The following NHSL2 variants were observed in gnomAD, a reference collection of about 807,000 sequenced individuals.
NHSL2 encodes the protein NHS like 2.
Under a neutral mutation model 53.4 loss-of-function variants are expected in NHSL2, and 27 were observed. The observed-to-expected ratio is 0.51, with a 90% CI of 0.37 to 0.70. The LOEUF (loss-of-function observed/expected upper bound fraction) is 0.70, where lower values mean the gene tolerates loss of function less well. Ranked by LOEUF, NHSL2 falls within the 30% of genes least tolerant of loss-of-function variation. The pLI, the probability that NHSL2 is intolerant of heterozygous loss-of-function variation, is 0.00. For synonymous variants in NHSL2, 408 were observed against 404.1 expected (o/e 1.01, Z -0.12); for missense variants, 892 against 980.1 (o/e 0.91, Z 1.20).
intron 1 of NHSL2, among the ~76,000 whole-genome samples, chrX:71,920,472 TAAA>T (rs964522656): frequency 1.9e-4 from 19 of 102,672 alleles, no homozygotes; most frequent in Non-Finnish European, 3.0e-4. Flanking sequence ...CCCTAAATGT[TAAA>T]AAAAAAAAAA....
At chrX:71,984,586 A>G (rs2041994779) in intron 1 of NHSL2, among the ~76,000 whole-genome samples, 1 of 112,012 alleles carries the variant, frequency 8.9e-6, no homozygotes, top group African/African-American at 3.2e-5. Flanking sequence ...GAGTCAGTAT[A>G]AATTGCAGAA....
intron 1 of NHSL2, among the ~76,000 whole-genome samples, chrX:71,986,134 AC>A (rs1293619346): frequency 8.9e-6 from 1 of 111,765 alleles, no homozygotes; most frequent in African/African-American, 3.2e-5. Flanking sequence ...AAAGCCAAAC[AC>A]CATCTTATAT....
chrX:72,132,645 T>G (rs2042317834), intron 2 of NHSL2, among the ~76,000 whole-genome samples: 1 of 111,730 alleles, frequency 9.0e-6, no homozygotes, highest in Non-Finnish European at 1.9e-5. Context: ...TCTCCCACTC[T>G]GGGCTTCACT....
At chrX:71,937,350 G>A (rs960292025) in intron 1 of NHSL2, among the ~76,000 whole-genome samples, 1 of 111,391 alleles carries the variant, frequency 9.0e-6, no homozygotes, top group African/African-American at 3.3e-5. Flanking sequence ...GAGTCAAAGC[G>A]TCACCAGGAA....
intron 1 of NHSL2, among the ~76,000 whole-genome samples, chrX:72,055,255 A>G (rs771385453): frequency 8.9e-6 from 1 of 112,195 alleles, no homozygotes; most frequent in South Asian, 3.7e-4. Flanking sequence ...CAACAGCCCG[A>G]GTTCCCCAGC....
rs774831454 is a variant in NHSL2 at position 71,946,509 on chromosome X, T to C, written c.280+35142T>C. Among the ~76,000 whole-genome samples the C allele has an allele frequency of 3.6e-5, 4 of 111,559 alleles. No individual in the cohort carries two copies. In the South Asian group the frequency reaches 1.5e-3, roughly 43 times the overall value. Reference sequence around the variant, plus strand: ...CCGAGGACCAAGCCTTGGTAAATGCTAAGAGGCAGGCAGAGAAAGATGAGC... The same window carrying C: ...CCGAGGACCAAGCCTTGGTAAATGCCAAGAGGCAGGCAGAGAAAGATGAGC... On this transcript the variant is annotated intron_variant, in intron 1 of 7. Coordinates refer to ENST00000633930, the MANE Select transcript of NHSL2 (RefSeq NM_001013627.3).
chrX:71,970,733 T>C (rs1472176821), intron 1 of NHSL2, among the ~76,000 whole-genome samples: 7 of 110,913 alleles, frequency 6.3e-5, no homozygotes, highest in African/African-American at 2.3e-4. Context: ...TCCTTCTTCT[T>C]GCTTTGAATT....
At chrX:71,989,328 G>A (rs1263234756) in intron 1 of NHSL2, among the ~76,000 whole-genome samples, 2 of 71,375 alleles carry the variant, frequency 2.8e-5, no homozygotes, top group Non-Finnish European at 4.8e-5. Context: ...CAGCCTGGGC[G>A]ACAGAGCAAG....
intron 1 of NHSL2, chrX:72,131,592 A>T: frequency 9.0e-7 from 1 of 1,107,755 alleles, no homozygotes; most frequent in Non-Finnish European, 1.2e-6. Context: ...GGGGAACTGG[A>T]ACTACGGGCG....
At chrX:72,009,649 T>C (rs956976884) in intron 1 of NHSL2, among the ~76,000 whole-genome samples, 1 of 112,540 alleles carries the variant, frequency 8.9e-6, no homozygotes, top group Admixed American at 9.4e-5. Context: ...ACACCTCATA[T>C]CCTCCATCCA....
At chrX:71,948,034 A>G (rs750666671) in intron 1 of NHSL2, among the ~76,000 whole-genome samples, 3 of 111,165 alleles carry the variant, frequency 2.7e-5, no homozygotes, top group African/African-American at 6.6e-5. Flanking sequence ...TTCCCCAAAA[A>G]CCTATGGAAA....
rs974693820 is a variant in NHSL2 at position 71,938,412 on chromosome X, G to A, written c.280+27045G>A. 5.3e-5 allele frequency among the ~76,000 whole-genome samples: 6 copies of A among 112,204 alleles called. No homozygotes were observed. The Admixed American group carries it at 5.7e-4, about 11-fold the overall frequency. ...AGGACACAGGGCATTTGACCATAGA[G>A]TCTGACTAGCAGCTCACTTGAGATC... On this transcript the variant is annotated intron_variant, in intron 1 of 7. Transcript: ENST00000633930.
chrX:71,980,553 TGTGTGGGGTGTGTGGG>T (rs2041971188), intron 1 of NHSL2, among the ~76,000 whole-genome samples: 1 of 2,448 alleles, frequency 4.1e-4, no homozygotes, highest in African/African-American at 7.7e-4. Flanking sequence ...TGTGTGTGTG[TGTGTGGGGTGTGTGGG>T]GTGTGTGTGT....
chrX:72,070,887 C>T (rs1043860737), intron 1 of NHSL2, among the ~76,000 whole-genome samples: 1 of 111,809 alleles, frequency 8.9e-6, no homozygotes, highest in Non-Finnish European at 1.9e-5. Context: ...GTTTGACTCA[C>T]GTTTACCATA....
intron 1 of NHSL2, among the ~76,000 whole-genome samples, chrX:71,918,193 G>T (rs1433504207): frequency 9.0e-6 from 1 of 111,072 alleles, no homozygotes; most frequent in Non-Finnish European, 1.9e-5. Context: ...GTGTGTCCCC[G>T]GCTGTGTGTA....
intron 1 of NHSL2, among the ~76,000 whole-genome samples, chrX:72,104,533 G>A: frequency 9.0e-6 from 1 of 111,603 alleles, no homozygotes; most frequent in Non-Finnish European, 1.9e-5. Flanking sequence ...AAGGAGCATG[G>A]GCATGTGTTC....
intron 1 of NHSL2, chrX:72,131,183 G>T: frequency 1.7e-6 from 2 of 1,188,599 alleles, no homozygotes; most frequent in Non-Finnish European, 2.3e-6. Flanking sequence ...AGCAGAGGGG[G>T]GTCAGCGGGC....
Position 72,152,128 on chromosome X carries a change from A to T in NHSL2, c.*8554A>T, listed in dbSNP as rs1452562148. The T allele has an allele frequency of 8.9e-6, 1 of 112,645 alleles. No individual in the cohort carries two copies. Among genetic ancestry groups the T allele is most frequent in the African/African-American group, 3.2e-5 (1 of 30,928 alleles). The allele number at this position is 112,645 out of a possible 1,213,427, so 9.3% of individuals were successfully genotyped here. A position where few individuals can be genotyped will look rare whatever the true frequency, so the allele number is the denominator to read the frequency against. ...CTCCTGTGTTTTGAATCTCTAAATG[A>T]ATTCTGTTCTAAAGCTTCTTCACGT... is the stretch of plus-strand genomic sequence containing the variant. On this transcript the variant is annotated 3_prime_UTR_variant, in exon 8 of 8. Transcript: ENST00000633930.
At chrX:72,085,171 C>G (rs1262786164) in intron 1 of NHSL2, among the ~76,000 whole-genome samples, 1 of 111,708 alleles carries the variant, frequency 9.0e-6, no homozygotes, top group East Asian at 2.8e-4. Context: ...CACTGCAAGT[C>G]AGACCCCCCT....
Sources: allele counts gnomAD v4.1 joint callset (sites outside exome capture counted in the v4.1 genomes callset), GRCh38; gene constraint gnomAD v4.1.1; transcripts MANE v1.5; gene names NCBI Gene and HGNC (gene_info 2026-07-23, HGNC 2026-07-21).